SEMA3E: variants seen among roughly 807,000 people sequenced by gnomAD.
SEMA3E encodes the protein semaphorin 3E, also known as semaphorin-3E.
SEMA3E carries 49 observed loss-of-function variants against 93.6 expected under a neutral mutation model. The observed-to-expected ratio is 0.52, with a 90% confidence interval of 0.42 to 0.66. The LOEUF is 0.66. Among genes scored for constraint, SEMA3E ranks in the 30% least tolerant of loss-of-function variants. The probability of loss-of-function intolerance (pLI) is 0.00; values close to 1 mark genes in which losing one functional copy is unlikely to be tolerated. For synonymous variants in SEMA3E, 363 were observed against 330.7 expected (o/e 1.10, Z -1.06); for missense variants, 906 against 964.8 (o/e 0.94, Z 0.81).
intron 1 of SEMA3E, among the ~76,000 whole-genome samples, chr7:83,576,246 T>A (rs1792399837): frequency 6.6e-6 from 1 of 152,204 alleles, no homozygotes; most frequent in Non-Finnish European, 1.5e-5. Context: ...TTAGCAGTAC[T>A]CTTTGGAAGC....
At chr7:83,562,377 G>A (rs753879033) in intron 1 of SEMA3E, among the ~76,000 whole-genome samples, 8 of 151,914 alleles carry the variant, frequency 5.3e-5, no homozygotes, top group African/African-American at 7.2e-5. Flanking sequence ...ACCTTGCTCT[G>A]GCTCCTGCCA....
intron 2 of SEMA3E, among the ~76,000 whole-genome samples, chr7:83,486,409 A>G (rs1790256184): frequency 6.6e-6 from 1 of 152,148 alleles, no homozygotes; most frequent in Non-Finnish European, 1.5e-5. Context: ...GAGAAAGCAC[A>G]ACGGGAGAGA....
intron 16 of SEMA3E, among the ~76,000 whole-genome samples, chr7:83,368,845 G>T (rs985538954): frequency 6.6e-6 from 1 of 152,164 alleles, no homozygotes; most frequent in African/African-American, 2.4e-5. Context: ...CAAATAGCTG[G>T]ACTAGTAAGT....
intron 1 of SEMA3E, among the ~76,000 whole-genome samples, chr7:83,556,929 C>G (rs1451769544): frequency 6.6e-6 from 1 of 152,070 alleles, no homozygotes; most frequent in African/African-American, 2.4e-5. Flanking sequence ...GTGTTCAAGG[C>G]ACCATCTCAG....
At chr7:83,434,607 CA>C (rs1184224194) in intron 4 of SEMA3E, among the ~76,000 whole-genome samples, 3 of 151,932 alleles carry the variant, frequency 2.0e-5, no homozygotes, top group African/African-American at 7.3e-5. Context: ...CACAATAAAC[CA>C]AATTTACTTT....
intron 4 of SEMA3E, among the ~76,000 whole-genome samples, chr7:83,450,998 C>CCGGTAG (rs142451893): frequency 0.058 from 8,793 of 152,078 alleles, 449 homozygotes; most frequent in African/African-American, 0.13. Context: ...TGGGAGGAAC[C>CCGGTAG]AGGTAGAGAT....
At chr7:83,516,701 CAT>C (rs1790934786) in intron 1 of SEMA3E, among the ~76,000 whole-genome samples, 1 of 152,086 alleles carries the variant, frequency 6.6e-6, no homozygotes, top group South Asian at 2.1e-4. Flanking sequence ...ATTTTCAGCA[CAT>C]GTTAATATTC....
chr7:83,618,190 A>G (rs1439858368), intron 1 of SEMA3E, among the ~76,000 whole-genome samples: 2 of 152,066 alleles, frequency 1.3e-5, no homozygotes, highest in African/African-American at 4.8e-5. Flanking sequence ...TATGATTCAG[A>G]GTTTTAACAA....
At position 83,486,516 on chromosome 7, in the gene SEMA3E, A is replaced by T. The variant is rs537538337; in HGVS notation, c.276+3598T>A. On this transcript the variant is annotated intron_variant, in intron 2 of 16. Coordinates refer to ENST00000643230, the MANE Select transcript of SEMA3E (RefSeq NM_012431.3). ...CCCAAAGCAGACATATTACATCTTCAGAGCCTGGTGAGCACCGAAGAACTG... is the reference window on the plus strand; with the variant it reads ...CCCAAAGCAGACATATTACATCTTCTGAGCCTGGTGAGCACCGAAGAACTG... Among the ~76,000 whole-genome samples, 229 of 152,294 alleles carry T rather than the reference A, an allele frequency of 1.5e-3. 2 individuals carry two copies. The highest frequency in any genetic ancestry group is 5.1e-3 in the African/African-American group (213 of 41,568).
intron 1 of SEMA3E, among the ~76,000 whole-genome samples, chr7:83,533,734 C>T (rs957362930): frequency 5.3e-5 from 8 of 151,966 alleles, no homozygotes; most frequent in African/African-American, 1.9e-4. Flanking sequence ...AACTTCCTTA[C>T]GTTTTATTAT....
At chr7:83,614,173 A>C (rs1470846658) in intron 1 of SEMA3E, among the ~76,000 whole-genome samples, 1 of 152,154 alleles carries the variant, frequency 6.6e-6, no homozygotes, top group African/African-American at 2.4e-5. Flanking sequence ...TTTAATACCT[A>C]AGATGGGAGA....
intron 1 of SEMA3E, among the ~76,000 whole-genome samples, chr7:83,594,124 T>G (rs1349367721): frequency 5.9e-5 from 9 of 152,180 alleles, no homozygotes; most frequent in Admixed American, 5.2e-4. Context: ...CTTTGCCAAC[T>G]CATTCCAATT....
Position 83,500,392 on chromosome 7 carries a change from G to C in SEMA3E, c.116-10118C>G, listed in dbSNP as rs1045100598. On this transcript the variant is annotated intron_variant, in intron 1 of 16. Coordinates refer to ENST00000643230, the MANE Select transcript of SEMA3E (RefSeq NM_012431.3). ...TGGAGGTTGCAGTGAGCTGAGATCA[G>C]GCCACTACACTGCAGCCTGGGCGAC... Among the ~76,000 whole-genome samples, 3 of 151,974 alleles carry C rather than the reference G, an allele frequency of 2.0e-5. No individual in the cohort carries two copies. The South Asian group carries it at 6.2e-4, about 32-fold the overall frequency.
At chr7:83,552,455 A>G (rs1451945799) in intron 1 of SEMA3E, among the ~76,000 whole-genome samples, 1 of 152,146 alleles carries the variant, frequency 6.6e-6, no homozygotes, top group Non-Finnish European at 1.5e-5. Flanking sequence ...AGAACAGAAT[A>G]ACAGCAATTT....
chr7:83,610,311 G>A (rs1407759377), intron 1 of SEMA3E, among the ~76,000 whole-genome samples: 1 of 152,020 alleles, frequency 6.6e-6, no homozygotes, highest in Non-Finnish European at 1.5e-5. Flanking sequence ...TGTGCATACT[G>A]AGTAAATCTA....
At chr7:83,639,110 C>CAAAAAAAAAAAAAAAACAAAAAA (rs1793941774) in intron 1 of SEMA3E, among the ~76,000 whole-genome samples, 1 of 27,436 alleles carries the variant, frequency 3.6e-5, no homozygotes, top group African/African-American at 2.1e-4. Context: ...GACTCCGTCT[C>CAAAAAAAAAAAAAAAACAAAAAA]AAAAAAAAAA....
chr7:83,636,705 T>G (rs1477797289), intron 1 of SEMA3E, among the ~76,000 whole-genome samples: 3 of 152,014 alleles, frequency 2.0e-5, no homozygotes, highest in Non-Finnish European at 1.5e-5. Context: ...GTGTGTGTGG[T>G]AGAGTCATGT....
intron 5 of SEMA3E, among the ~76,000 whole-genome samples, chr7:83,415,833 T>C (rs564128727): frequency 6.6e-5 from 10 of 152,250 alleles, no homozygotes; most frequent in African/African-American, 2.4e-4. Flanking sequence ...GTGTGACATA[T>C]AATTAACCAT....
Position 83,418,454 on chromosome 7 carries a change from T to G in SEMA3E, c.486A>C (p.Arg162Ser). The part of the protein sequence containing the change: ...EDPLFHLESP[R>S]SERGRGRCPF... ...GACATCTGCCCCTTCCTCTCTCAGA[T>G]CTGGGTGATTCCAGGTGAAACAGAG... Residue 162 changes from arginine to serine, a missense_variant, in exon 5 of 17, where the codon AGA becomes AGC. Transcript: ENST00000643230. 6 of 1,611,668 alleles carry G rather than the reference T, an allele frequency of 3.7e-6. No homozygotes were observed. The highest frequency in any genetic ancestry group is 5.1e-6 in the Non-Finnish European group (6 of 1,178,822).
Sources: allele counts gnomAD v4.1 joint callset (sites outside exome capture counted in the v4.1 genomes callset), GRCh38; gene constraint gnomAD v4.1.1; transcripts MANE v1.5; gene names NCBI Gene and HGNC (gene_info 2026-07-23, HGNC 2026-07-21).